The following COL25A1 variants were observed in gnomAD, a reference collection of about 807,000 sequenced individuals.
COL25A1 encodes the protein collagen type XXV alpha 1 chain, also known as collagen alpha-1(XXV) chain.
In COL25A1, 103 loss-of-function variants were observed where a neutral mutation model predicts 128.4. The observed-to-expected ratio is 0.80, with a 90% confidence interval of 0.68 to 0.94. COL25A1 has a LOEUF of 0.94. Ranked by LOEUF, COL25A1 falls within the 40% of genes least tolerant of loss-of-function variation. The pLI is 0.00. For synonymous variants in COL25A1, 279 were observed against 277.2 expected, an observed-to-expected ratio of 1.01 and a Z score of -0.06; for missense variants, 745 against 840.0, an observed-to-expected ratio of 0.89 and a Z score of 1.40.
At chr4:108,956,935 T>C (rs1435156490) in intron 8 of COL25A1, among the ~76,000 whole-genome samples, 2 of 152,160 alleles carry the variant, frequency 1.3e-5, no homozygotes, top group African/African-American at 4.8e-5. Flanking sequence ...TAACGGTGTG[T>C]GAATCCAATA....
At chr4:109,300,695 T>C (rs1455296865) in intron 2 of COL25A1, 43 bp from the exon 3 acceptor site, 9 of 1,379,588 alleles carry the variant, frequency 6.5e-6, no homozygotes, top group African/African-American at 2.8e-5. Flanking sequence ...AGTAGCACTG[T>C]AGAGGGATGG....
At chr4:109,263,202 G>A (rs1781562808) in intron 3 of COL25A1, among the ~76,000 whole-genome samples, 1 of 152,106 alleles carries the variant, frequency 6.6e-6, no homozygotes, top group African/African-American at 2.4e-5. Flanking sequence ...AAATTACGAA[G>A]TCTTTTACAA....
chr4:109,183,423 C>T (rs1396000223), intron 3 of COL25A1, among the ~76,000 whole-genome samples: 2 of 152,138 alleles, frequency 1.3e-5, no homozygotes, highest in Non-Finnish European at 2.9e-5. Context: ...AAACAACAAG[C>T]ACTTTTGTGA....
chr4:108,920,578 C>G lies in COL25A1; in HGVS notation c.735G>C (p.Lys245Asn). The G allele has an allele frequency of 6.2e-7, 1 of 1,602,502 alleles. No individual in the cohort carries two copies. The change falls in exon 12 of 38, where the codon AAG (lysine) becomes AAC (asparagine). Residue 245 changes from lysine (K) to asparagine (N), a missense_variant and splice_region_variant. Lys to Asn is a moderately conservative substitution (Grantham distance 94). Coordinates refer to ENST00000399132, the MANE Select transcript of COL25A1 (RefSeq NM_198721.4). ...LMGPLGPPGQ[K>N]GSIGAPGIPG... Reference sequence around the variant, plus strand: ...CACAATATTGTTGTTTATACTCTACCTTTTGTCCCGGAGGCCCTAGAGGAC... The same window carrying G: ...CACAATATTGTTGTTTATACTCTACGTTTTGTCCCGGAGGCCCTAGAGGAC...
rs988952630 is a variant in COL25A1 at position 108,920,492 on chromosome 4, C to T, written c.735+86G>A. On this transcript the variant is annotated intron_variant, in intron 12 of 37. Coordinates refer to ENST00000399132, the MANE Select transcript of COL25A1 (RefSeq NM_198721.4). ...AGACTAACTGCTTCAGCATGGCTTA[C>T]AGTAGCTAATTTCATTCACCTCTCC... 5.2e-6 allele frequency: 5 copies of T among 966,066 alleles called. No homozygotes were observed. In the Admixed American group the frequency reaches 9.3e-5, roughly 18 times the overall value. 59.8% of individuals were successfully genotyped at this position (966,066 alleles called of 1,614,324 possible). A position where few individuals can be genotyped will look rare whatever the true frequency, so the allele number is the denominator to read the frequency against.
chr4:109,190,082 TATG>T (rs1436762615), intron 3 of COL25A1, among the ~76,000 whole-genome samples: 2 of 152,174 alleles, frequency 1.3e-5, no homozygotes, highest in East Asian at 3.9e-4. Flanking sequence ...GAAAGAAAAG[TATG>T]ATATGTCCTC....
intron 3 of COL25A1, among the ~76,000 whole-genome samples, chr4:109,173,208 C>T (rs1445211349): frequency 6.6e-6 from 1 of 151,948 alleles, no homozygotes; most frequent in Non-Finnish European, 1.5e-5. Context: ...CTTTCAGACC[C>T]CTGAATAGCT....
intron 3 of COL25A1, among the ~76,000 whole-genome samples, chr4:109,090,015 A>G (rs1764759090): frequency 1.3e-5 from 2 of 152,192 alleles, no homozygotes; most frequent in South Asian, 4.1e-4. Context: ...AGTTTACCAA[A>G]TTCAGTATAT....
intron 3 of COL25A1, among the ~76,000 whole-genome samples, chr4:109,135,395 C>G (rs1769638198): frequency 6.6e-6 from 1 of 152,126 alleles, no homozygotes; most frequent in African/African-American, 2.4e-5. Context: ...AAGAAATGCA[C>G]AGTCACATAA....
intron 3 of COL25A1, among the ~76,000 whole-genome samples, chr4:109,162,236 G>T (rs1342149072): frequency 6.6e-6 from 1 of 152,188 alleles, no homozygotes; most frequent in Non-Finnish European, 1.5e-5. Context: ...AGATTGGCTA[G>T]AAAGAGGCAT....
At chr4:108,905,270 C>T (rs1743339349) in intron 13 of COL25A1, among the ~76,000 whole-genome samples, 1 of 151,302 alleles carries the variant, frequency 6.6e-6, no homozygotes, top group African/African-American at 2.4e-5. Context: ...TGGAGATGGA[C>T]GTAAGTGCAA....
intron 3 of COL25A1, among the ~76,000 whole-genome samples, chr4:109,238,248 A>C (rs924515897): frequency 6.6e-6 from 1 of 152,006 alleles, no homozygotes; most frequent in African/African-American, 2.4e-5. Context: ...TATTGGGCTT[A>C]GATTTTTTTC....
At chr4:109,136,684 G>C (rs1194686074) in intron 3 of COL25A1, among the ~76,000 whole-genome samples, 1 of 152,268 alleles carries the variant, frequency 6.6e-6, no homozygotes, top group African/African-American at 2.4e-5. Flanking sequence ...GAGATGGGTA[G>C]TTAGGGTGTA....
chr4:109,061,647 C>T lies in COL25A1; in HGVS notation c.368-11468G>A, dbSNP rs1357421124. Among the ~76,000 whole-genome samples, 3 of 152,276 alleles carry T rather than the reference C, an allele frequency of 2.0e-5. No individual in the cohort carries two copies. In the East Asian group the frequency reaches 5.8e-4, roughly 29 times the overall value. On this transcript the variant is annotated intron_variant, in intron 3 of 37. Coordinates refer to ENST00000399132, the MANE Select transcript of COL25A1 (RefSeq NM_198721.4). ...CATAGAAAATGCTAACATAGGTGAT[C>T]TTCACCAGAAAATCAAATCCCATTT... is the stretch of plus-strand genomic sequence containing the variant.
At chr4:109,219,305 T>G (rs1778258208) in intron 3 of COL25A1, among the ~76,000 whole-genome samples, 1 of 152,178 alleles carries the variant, frequency 6.6e-6, no homozygotes, top group Non-Finnish European at 1.5e-5. Context: ...TCTAGTCCAG[T>G]GTACTCTCCA....
chr4:109,260,607 T>C (rs1449098913), intron 3 of COL25A1, among the ~76,000 whole-genome samples: 1 of 152,160 alleles, frequency 6.6e-6, no homozygotes, highest in Non-Finnish European at 1.5e-5. Context: ...GCCATTCTCC[T>C]GTCTCAGTCT....
At chr4:108,897,322 T>C (rs1447505653) in intron 15 of COL25A1, among the ~76,000 whole-genome samples, 2 of 152,240 alleles carry the variant, frequency 1.3e-5, no homozygotes, top group Admixed American at 1.3e-4. Flanking sequence ...CTTTTTTTGT[T>C]GTTATTTTTG....
At chr4:109,059,603 T>C (rs1164934168) in intron 3 of COL25A1, among the ~76,000 whole-genome samples, 2 of 152,148 alleles carry the variant, frequency 1.3e-5, no homozygotes, top group Non-Finnish European at 2.9e-5. Context: ...TTTTACAAAG[T>C]TAAAAAGACA....
At chr4:109,114,097 A>G (rs1767296966) in intron 3 of COL25A1, among the ~76,000 whole-genome samples, 1 of 152,128 alleles carries the variant, frequency 6.6e-6, no homozygotes, top group Non-Finnish European at 1.5e-5. Flanking sequence ...ATACAAAGAT[A>G]TTAAGAAGTG....
Sources: gnomAD v4.1 joint callset for allele counts (sites outside exome capture counted in the v4.1 genomes callset) on GRCh38, gnomAD v4.1.1 for gene constraint, MANE v1.5 for transcripts, NCBI Gene and HGNC (gene_info 2026-07-23, HGNC 2026-07-21) for gene names.